Variants in PSMD14 observed in about 807,000 individuals in gnomAD.
PSMD14 encodes the protein proteasome 26S subunit, non-ATPase 14, also known as ubiquitin C-terminal hydrolase PSMD14.
A neutral mutation model predicts 41.2 loss-of-function variants in PSMD14; 7 were observed. The ratio of observed to expected loss-of-function variants is 0.17; its 90% confidence interval spans 0.10 to 0.32. The LOEUF is 0.32. Ranked by LOEUF, PSMD14 falls within the 10% of genes least tolerant of loss-of-function variation. The pLI is 1.00. For synonymous variants in PSMD14, 114 were observed against 122.3 expected (o/e 0.93, Z 0.45); for missense variants, 139 against 375.6 (o/e 0.37, Z 5.21).
chr2:161,358,576 C>G (rs758469354), intron 3 of PSMD14, among the ~76,000 whole-genome samples: 1 of 152,194 alleles, frequency 6.6e-6, no homozygotes, highest in Non-Finnish European at 1.5e-5. Flanking sequence ...CCTCATTAAT[C>G]TGACCACTCC....
At chr2:161,388,963 G>A (rs990709393) in intron 8 of PSMD14, among the ~76,000 whole-genome samples, 1 of 152,148 alleles carries the variant, frequency 6.6e-6, no homozygotes, top group Admixed American at 6.5e-5. Flanking sequence ...CACAGCAGGT[G>A]AGTAAGTGAA....
chr2:161,325,071 G>T (rs1274830749), intron 3 of PSMD14, among the ~76,000 whole-genome samples: 1 of 152,034 alleles, frequency 6.6e-6, no homozygotes, highest in South Asian at 2.1e-4. Context: ...GTGAAATTCT[G>T]TGTAAAATTA....
At chr2:161,394,481 G>A (rs1050722409) in intron 9 of PSMD14, among the ~76,000 whole-genome samples, 69 of 152,088 alleles carry the variant, frequency 4.5e-4, no homozygotes, top group African/African-American at 1.5e-3. Flanking sequence ...CATTTATCTC[G>A]TTATCTTGGC....
At chr2:161,349,153 A>AAACTGCAATTACTTTTGCATC (rs1200962868) in intron 3 of PSMD14, among the ~76,000 whole-genome samples, 25 of 152,238 alleles carry the variant, frequency 1.6e-4, no homozygotes, top group Non-Finnish European at 4.4e-5. Context: ...GTAATGGCAA[A>AAACTGCAATTACTTTTGCATC]AACTGCAATT....
At chr2:161,346,812 C>G (rs189724869) in intron 3 of PSMD14, among the ~76,000 whole-genome samples, 2 of 151,714 alleles carry the variant, frequency 1.3e-5, no homozygotes, top group African/African-American at 2.4e-5. Flanking sequence ...GGAACTCTTT[C>G]CAGTGCTGTG....
chr2:161,389,889 G>GTTGTTT, intron 8 of PSMD14, among the ~76,000 whole-genome samples: 424 of 20,054 alleles, frequency 0.021, 139 homozygotes, highest in Non-Finnish European at 0.034. Flanking sequence ...CTTTTTTGTT[G>GTTGTTT]TTTTTTTTTT....
At chr2:161,401,944 G>A (rs1375918783) in intron 10 of PSMD14, among the ~76,000 whole-genome samples, 3 of 152,188 alleles carry the variant, frequency 2.0e-5, no homozygotes, top group Non-Finnish European at 2.9e-5. Context: ...TCTGAACTGT[G>A]TTTCCTTATC....
intron 3 of PSMD14, among the ~76,000 whole-genome samples, chr2:161,341,777 T>G (rs1355547465): frequency 6.8e-6 from 1 of 147,586 alleles, no homozygotes; most frequent in Non-Finnish European, 1.5e-5. Context: ...AGGCAAAGGT[T>G]GCAGTGAGCC....
chr2:161,334,954 A>G (rs1432750527), intron 3 of PSMD14, among the ~76,000 whole-genome samples: 1 of 152,232 alleles, frequency 6.6e-6, no homozygotes, highest in East Asian at 1.9e-4. Flanking sequence ...AGCATTGTGA[A>G]TAGATGAATG....
chr2:161,393,227 A>C (rs1683738786), intron 9 of PSMD14, among the ~76,000 whole-genome samples: 1 of 152,168 alleles, frequency 6.6e-6, no homozygotes, highest in South Asian at 2.1e-4. Context: ...AGTGGTAGGG[A>C]AATCTGAGTC....
Position 161,344,132 on chromosome 2 carries a change from TG to T in PSMD14, c.49-23340del, listed in dbSNP as rs147494686. Among the ~76,000 whole-genome samples, 314 of 136,752 alleles carry T rather than the reference TG, an allele frequency of 2.3e-3. 2 individuals are homozygous for T. The highest frequency in any genetic ancestry group is 8.2e-3 in the African/African-American group (306 of 37,114). 89.7% of individuals were successfully genotyped at this position (136,752 alleles called of 152,430 possible). A position where few individuals can be genotyped will look rare whatever the true frequency, so the allele number is the denominator to read the frequency against. ...CTTGGTGCGGGGGGGTGGGGAGCGG[TG>T]GGGGGAGGTCCTGAAACCACTGCCC... On this transcript the variant is annotated intron_variant, in intron 3 of 11. Coordinates refer to ENST00000409682, the MANE Select transcript of PSMD14 (RefSeq NM_005805.6).
chr2:161,310,886 C>A (rs941634261), intron 1 of PSMD14, among the ~76,000 whole-genome samples: 8 of 152,216 alleles, frequency 5.3e-5, no homozygotes, highest in Non-Finnish European at 1.0e-4. Flanking sequence ...GCTGCTTCTA[C>A]CCACCTGCCC....
chr2:161,314,065 A>G (rs1294084800), intron 1 of PSMD14, among the ~76,000 whole-genome samples: 1 of 152,206 alleles, frequency 6.6e-6, no homozygotes, highest in African/African-American at 2.4e-5. Flanking sequence ...TAGGATGGCC[A>G]TCTTTCCTTC....
At chr2:161,366,387 A>AACAC (rs36202166) in intron 3 of PSMD14, among the ~76,000 whole-genome samples, 46 of 148,508 alleles carry the variant, frequency 3.1e-4, no homozygotes, top group Admixed American at 7.4e-4. Context: ...AATAGAATTT[A>AACAC]ACACACACAC....
chr2:161,325,482 G>C (rs1390030739), intron 3 of PSMD14, among the ~76,000 whole-genome samples: 1 of 152,034 alleles, frequency 6.6e-6, no homozygotes, highest in Non-Finnish European at 1.5e-5. Flanking sequence ...TCTAATGTTT[G>C]GTAGAGAAGT....
chr2:161,373,595 C>G (rs1395956828), intron 7 of PSMD14, among the ~76,000 whole-genome samples: 4 of 151,848 alleles, frequency 2.6e-5, no homozygotes, highest in Non-Finnish European at 5.9e-5. Flanking sequence ...GAGTCTCCCT[C>G]TCCCTTTTCC....
chr2:161,396,388 C>G (rs12463535), intron 10 of PSMD14, among the ~76,000 whole-genome samples: 10,057 of 151,964 alleles, frequency 0.066, 456 homozygotes, highest in East Asian at 0.15. Flanking sequence ...AAGTGTCAAT[C>G]AACAGACAGA....
intron 1 of PSMD14, among the ~76,000 whole-genome samples, chr2:161,312,432 C>T (rs1236175212): frequency 6.6e-6 from 1 of 152,216 alleles, no homozygotes; most frequent in Non-Finnish European, 1.5e-5. Context: ...GCATGAGCCA[C>T]TGCACCTGGC....
At chr2:161,389,889 G>GTTGTTTTTTGTTTTTTTTT in intron 8 of PSMD14, among the ~76,000 whole-genome samples, 1 of 20,042 alleles carries the variant, frequency 5.0e-5, no homozygotes. Context: ...CTTTTTTGTT[G>GTTGTTTTTTGTTTTTTTTT]TTTTTTTTTT....
Sources: allele counts gnomAD v4.1 joint callset (sites outside exome capture counted in the v4.1 genomes callset), GRCh38; gene constraint gnomAD v4.1.1; transcripts MANE v1.5; gene names NCBI Gene and HGNC (gene_info 2026-07-23, HGNC 2026-07-21).